Variants in SPATS2L observed in about 807,000 individuals in gnomAD.
The protein encoded by SPATS2L is SPATS2-like protein.
A neutral mutation model predicts 59.6 loss-of-function variants in SPATS2L; 30 were observed. That is an observed-to-expected ratio of 0.50 (90% CI 0.38 to 0.68). The LOEUF (loss-of-function observed/expected upper bound fraction) is 0.68. SPATS2L is among the 30% of genes least tolerant of loss of function. The pLI, the probability that SPATS2L is intolerant of heterozygous loss-of-function variation, is 0.00. For missense variants in SPATS2L, 615 were observed against 700.0 expected, an observed-to-expected ratio of 0.88 and a Z score of 1.37; for synonymous variants, 252 against 263.5, an observed-to-expected ratio of 0.96 and a Z score of 0.42.
chr2:200,371,165 A>G lies in SPATS2L; in HGVS notation c.-22-18058A>G, dbSNP rs191942619. 5.1e-4 allele frequency among the ~76,000 whole-genome samples: 78 copies of G among 152,300 alleles called. 1 individual carries two copies. The highest frequency in any genetic ancestry group is 1.8e-3 in the African/African-American group (75 of 41,556). On this transcript the variant is annotated intron_variant, in intron 2 of 12. Coordinates refer to ENST00000409140, the MANE Select transcript of SPATS2L (RefSeq NM_001100423.2). ...ATGAATAAAACCACTGAGTATATAC[A>G]TGTATATATGTATCTCAGGGTGGGA... is the stretch of plus-strand genomic sequence containing the variant.
At chr2:200,321,921 G>A (rs886177262) in intron 1 of SPATS2L, among the ~76,000 whole-genome samples, 1 of 152,322 alleles carries the variant, frequency 6.6e-6, no homozygotes, top group Admixed American at 6.5e-5. Context: ...AGATAGTGGT[G>A]GTAGAGATGG....
chr2:200,387,869 C>CTATTAAA (rs1374908205), intron 2 of SPATS2L, among the ~76,000 whole-genome samples: 1 of 152,130 alleles, frequency 6.6e-6, no homozygotes, highest in Non-Finnish European at 1.5e-5. Flanking sequence ...AAGATTGAAT[C>CTATTAAA]TATTAAAGTC....
intron 9 of SPATS2L, among the ~76,000 whole-genome samples, chr2:200,462,787 G>A (rs1232999588): frequency 1.3e-5 from 2 of 152,108 alleles, no homozygotes; most frequent in Non-Finnish European, 2.9e-5. Flanking sequence ...TTAGCCACGT[G>A]TGGTGGCATG....
At chr2:200,378,319 C>T (rs140012495) in intron 2 of SPATS2L, 5 of 1,002,518 alleles carry the variant, frequency 5.0e-6, no homozygotes, top group African/African-American at 1.7e-5. Context: ...GAAAGCCAGT[C>T]GCTGGAAACT....
intron 1 of SPATS2L, among the ~76,000 whole-genome samples, chr2:200,327,595 CAT>C (rs1458824712): frequency 2.0e-5 from 3 of 152,178 alleles, no homozygotes; most frequent in Non-Finnish European, 4.4e-5. Context: ...TTTGACAACT[CAT>C]GTTATTTATT....
At chr2:200,475,758 C>T (rs1037927259) in intron 12 of SPATS2L, among the ~76,000 whole-genome samples, 1 of 152,178 alleles carries the variant, frequency 6.6e-6, no homozygotes, top group Non-Finnish European at 1.5e-5. Context: ...CTGCCCTAAA[C>T]CTATACCATC....
intron 2 of SPATS2L, among the ~76,000 whole-genome samples, chr2:200,371,792 G>C (rs966425471): frequency 6.6e-6 from 1 of 152,156 alleles, no homozygotes; most frequent in African/African-American, 2.4e-5. Context: ...GCAGATTGTG[G>C]GTACATTAGG....
chr2:200,433,804 C>T (rs4674062), intron 6 of SPATS2L, among the ~76,000 whole-genome samples: 150,548 of 152,166 alleles, frequency 0.99, 74,491 homozygotes, highest in East Asian at 1. Flanking sequence ...ACTATGCTTA[C>T]CAAGGAAATT....
chr2:200,313,348 A>G (rs2079256084), intron 1 of SPATS2L, among the ~76,000 whole-genome samples: 1 of 152,182 alleles, frequency 6.6e-6, no homozygotes, highest in Admixed American at 6.5e-5. Context: ...TTTATACATG[A>G]TAAGTAGTAC....
Position 200,440,678 on chromosome 2 carries a change from T to C in SPATS2L, c.682T>C (p.Leu228=), listed in dbSNP as rs773975917. The change falls in exon 8 of 13, where the codon TTG becomes CTG. Residue 228 remains leucine (L), a synonymous_variant. Transcript: ENST00000409140. ...AAATATTGAGAAATCAGTGAAGGAT[T>C]TGCAACGCTGCACCGTTTCTCTAAC... The part of the protein sequence containing the change: ...GPNIEKSVKD[L]QRCTVSLTRY... 2.5e-6 allele frequency: 4 copies of C among 1,613,486 alleles called. No individual in the cohort carries two copies. Among genetic ancestry groups the C allele is most frequent in the Non-Finnish European group, 3.4e-6 (4 of 1,179,566 alleles).
chr2:200,363,305 CAGTG>C (rs1168440118), intron 2 of SPATS2L, among the ~76,000 whole-genome samples: 2 of 2,388 alleles, frequency 8.4e-4, no homozygotes, highest in Non-Finnish European at 3.6e-3. Flanking sequence ...TATTATAGTG[CAGTG>C]CTATACATAC....
At chr2:200,426,236 G>A (rs1306547821) in intron 6 of SPATS2L, among the ~76,000 whole-genome samples, 4 of 151,734 alleles carry the variant, frequency 2.6e-5, no homozygotes, top group South Asian at 4.2e-4. Flanking sequence ...GACTACAGGC[G>A]CATGCCACCA....
chr2:200,306,953 G>A (rs1485617474), intron 1 of SPATS2L, 31 bp downstream of exon 1: 90 of 983,056 alleles, frequency 9.2e-5, no homozygotes, highest in Non-Finnish European at 1.1e-4. Context: ...ACGCCGGGCC[G>A]GCTGGGGATG....
At chr2:200,343,023 C>G (rs1242914987) in intron 2 of SPATS2L, among the ~76,000 whole-genome samples, 1 of 152,200 alleles carries the variant, frequency 6.6e-6, no homozygotes, top group African/African-American at 2.4e-5. Flanking sequence ...CTTTAAGGTA[C>G]TTGTTGATTT....
chr2:200,414,120 G>A (rs1402472511), intron 4 of SPATS2L, among the ~76,000 whole-genome samples: 2 of 151,676 alleles, frequency 1.3e-5, no homozygotes, highest in East Asian at 1.9e-4. Flanking sequence ...GGCCCCCCAC[G>A]TTCCTCATCA....
intron 3 of SPATS2L, among the ~76,000 whole-genome samples, chr2:200,396,048 ATATATATATATATATATATT>A (rs1315252336): frequency 5.9e-4 from 51 of 86,530 alleles, no homozygotes; most frequent in Non-Finnish European, 9.6e-4. Flanking sequence ...ATATATATAT[ATATATATATATATATATATT>A]TTCCCATAGA....
At chr2:200,308,906 C>T (rs1426287810) in intron 1 of SPATS2L, 1 of 615,176 alleles carries the variant, frequency 1.6e-6, no homozygotes, top group African/African-American at 1.9e-5. Context: ...TAATGAAAGT[C>T]TTCAGTAAAT....
At chr2:200,445,822 C>T (rs2084997892) in intron 8 of SPATS2L, among the ~76,000 whole-genome samples, 1 of 146,930 alleles carries the variant, frequency 6.8e-6, no homozygotes, top group Non-Finnish European at 1.5e-5. Context: ...TGATTCCTGG[C>T]TTTCCAAACA....
intron 2 of SPATS2L, among the ~76,000 whole-genome samples, chr2:200,376,946 G>A (rs1360959407): frequency 2.0e-5 from 3 of 152,164 alleles, no homozygotes; most frequent in Middle Eastern, 3.2e-3. Context: ...TTCAAGGGCC[G>A]GCTCCGTTAC....
Sources: gnomAD v4.1 joint callset for allele counts (sites outside exome capture counted in the v4.1 genomes callset) on GRCh38, gnomAD v4.1.1 for gene constraint, MANE v1.5 for transcripts, NCBI Gene and HGNC (gene_info 2026-07-23, HGNC 2026-07-21) for gene names.